Variants in ADGRG6 observed in about 807,000 individuals in gnomAD.
ADGRG6 encodes the protein adhesion G protein-coupled receptor G6, also known as G-protein coupled receptor 126.
ADGRG6 carries 84 observed loss-of-function variants against 142.4 expected under a neutral mutation model. The ratio of observed to expected loss-of-function variants is 0.59; its 90% confidence interval spans 0.49 to 0.71. ADGRG6 has a LOEUF of 0.71. ADGRG6 is among the 30% of genes least tolerant of loss of function. ADGRG6 has a pLI of 0.00. For missense variants in ADGRG6, 1,367 were observed against 1,466.6 expected (o/e 0.93, Z 1.11); for synonymous variants, 521 against 520.5 (o/e 1.00, Z -0.01).
rs867825267 is a variant in ADGRG6 at position 142,411,415 on chromosome 6, A to AG, written c.2541+10dup. The AG allele has an allele frequency of 1.5e-5, 22 of 1,438,754 alleles. No homozygotes were observed. In the African/African-American group the frequency reaches 2.2e-4, roughly 15 times the overall value. 89.1% of individuals were successfully genotyped at this position (1,438,754 alleles called of 1,614,324 possible). On this transcript the variant is annotated splice_donor_region_variant and intron_variant, in intron 18 of 24. Transcript: ENST00000367609. The stretch of plus-strand genomic sequence containing the variant: ...CACACACTTTGGAGTTCTGATGGTA[A>AG]GGGGGGAATTTCTAAGCTCATTTTG...
intron 2 of ADGRG6, among the ~76,000 whole-genome samples, chr6:142,352,969 C>A (rs1200952536): frequency 6.6e-6 from 1 of 152,172 alleles, no homozygotes; most frequent in Non-Finnish European, 1.5e-5. Context: ...CCTCTCCTTT[C>A]TCTCTCTCCA....
At chr6:142,330,956 T>C (rs1360605806) in intron 2 of ADGRG6, among the ~76,000 whole-genome samples, 1 of 152,098 alleles carries the variant, frequency 6.6e-6, no homozygotes, top group Non-Finnish European at 1.5e-5. Context: ...CTTTTTAAGC[T>C]TCATTTATAT....
At chr6:142,367,472 T>C (rs973314392) in intron 2 of ADGRG6, 97 bp from the exon 3 acceptor site, 1 of 732,166 alleles carries the variant, frequency 1.4e-6, no homozygotes, top group Non-Finnish European at 2.2e-6. Flanking sequence ...TTTTTAAATA[T>C]TTACTGCTTG....
chr6:142,437,162 CT>C (rs1777525096), intron 22 of ADGRG6, among the ~76,000 whole-genome samples: 1 of 152,066 alleles, frequency 6.6e-6, no homozygotes. Flanking sequence ...TTCAGCTTGG[CT>C]TTTAGGTTAA....
intron 4 of ADGRG6, among the ~76,000 whole-genome samples, chr6:142,376,958 A>G (rs531147214): frequency 6.6e-6 from 1 of 152,226 alleles, no homozygotes; most frequent in East Asian, 1.9e-4. Context: ...TTTTACCACA[A>G]CTTGTGTAAA....
chr6:142,327,622 G>A (rs1051744928), intron 2 of ADGRG6, among the ~76,000 whole-genome samples: 1 of 151,850 alleles, frequency 6.6e-6, no homozygotes, highest in Non-Finnish European at 1.5e-5. Flanking sequence ...CCCTTTCTCT[G>A]CAAGAGTATT....
At chr6:142,362,932 T>C (rs1780787750) in intron 2 of ADGRG6, among the ~76,000 whole-genome samples, 2 of 152,114 alleles carry the variant, frequency 1.3e-5, no homozygotes, top group Admixed American at 1.3e-4. Flanking sequence ...AAGCAACAAA[T>C]GAGCTTTTCA....
intron 2 of ADGRG6, among the ~76,000 whole-genome samples, chr6:142,351,801 A>G (rs1780188723): frequency 6.6e-6 from 1 of 152,194 alleles, no homozygotes; most frequent in Non-Finnish European, 1.5e-5. Flanking sequence ...CATCCAACAA[A>G]GGTCAAATAT....
intron 1 of ADGRG6, chr6:142,302,680 C>G: frequency 3.2e-6 from 1 of 308,966 alleles, no homozygotes; most frequent in Non-Finnish European, 5.9e-6. Flanking sequence ...GCTCCTCAGT[C>G]CAGAGGCCTG....
intron 22 of ADGRG6, among the ~76,000 whole-genome samples, chr6:142,422,781 A>G (rs1195547227): frequency 1.4e-5 from 2 of 146,568 alleles, no homozygotes; most frequent in African/African-American, 2.5e-5. Flanking sequence ...AGTCCCACCA[A>G]CAGTGTAAAA....
In ADGRG6 at chr6:142,305,429, TACACAC is replaced by T. The variant is rs5880531; in HGVS notation, c.2+3134_2+3139del. ...TGCCCCCCCCCACGAGCCCCTCCTGTACACACACACACACACACACACACACACACA... is the reference window on the plus strand; with the variant it reads ...TGCCCCCCCCCACGAGCCCCTCCTGTACACACACACACACACACACACACA... On this transcript the variant is annotated intron_variant, in intron 1 of 24. Coordinates refer to ENST00000367609, the MANE Select transcript of ADGRG6 (RefSeq NM_198569.3). 9.7e-3 allele frequency among the ~76,000 whole-genome samples: 1,174 copies of T among 120,836 alleles called. 26 individuals carry two copies. Among genetic ancestry groups the T allele is most frequent in the African/African-American group, 0.032 (922 of 28,588 alleles). The allele number at this position is 120,836 out of a possible 152,430, so 79.3% of individuals were successfully genotyped here.
intron 8 of ADGRG6, among the ~76,000 whole-genome samples, chr6:142,393,556 CT>C (rs1212873240): frequency 6.6e-6 from 1 of 152,066 alleles, no homozygotes; most frequent in Non-Finnish European, 1.5e-5. Flanking sequence ...GTCATGACCC[CT>C]AAACATATAT....
At chr6:142,371,109 C>G (rs1781230252) in intron 4 of ADGRG6, among the ~76,000 whole-genome samples, 1 of 152,004 alleles carries the variant, frequency 6.6e-6, no homozygotes, top group East Asian at 1.9e-4. Flanking sequence ...ATTGTGGAAT[C>G]TCAAATACAA....
chr6:142,396,909 A>G (rs1458686552), intron 9 of ADGRG6, among the ~76,000 whole-genome samples: 1 of 152,166 alleles, frequency 6.6e-6, no homozygotes, highest in Non-Finnish European at 1.5e-5. Context: ...AAAGTTTTTA[A>G]CAGGGCTTTG....
In ADGRG6 at chr6:142,443,964, T is replaced by C. The variant is rs900208484; in HGVS notation, c.*449T>C. 1 of 152,722 alleles carries C rather than the reference T, an allele frequency of 6.5e-6. No homozygotes were observed. The highest frequency in any genetic ancestry group is 1.5e-5 in the Non-Finnish European group (1 of 68,450). 9.5% of individuals were successfully genotyped at this position (152,722 alleles called of 1,614,324 possible). A position where few individuals can be genotyped will look rare whatever the true frequency, so the allele number is the denominator to read the frequency against. On this transcript the variant is annotated 3_prime_UTR_variant, in exon 25 of 25. Transcript: ENST00000367609. ...CTATTTTGAATGCCCACAAATCCCA[T>C]TCCAGTGTTACTTTCTGTGAATGCA...
chr6:142,402,837 AT>A lies in ADGRG6; in HGVS notation c.1955+17del, dbSNP rs200507974. ...TGCTTGAGTCATCTTCTGAGTAAGT[AT>A]TTTTTTTTTCCTGGAGAGTAAATTT... On this transcript the variant is annotated splice_region_variant and intron_variant, in intron 13 of 24. Coordinates refer to ENST00000367609, the MANE Select transcript of ADGRG6 (RefSeq NM_198569.3). 7.7e-3 allele frequency: 10,321 copies of A among 1,332,284 alleles called. 11 individuals carry two copies. The highest frequency in any genetic ancestry group is 0.023 in the African/African-American group (1,537 of 66,816). 82.5% of individuals were successfully genotyped at this position (1,332,284 alleles called of 1,614,324 possible). A position where few individuals can be genotyped will look rare whatever the true frequency, so the allele number is the denominator to read the frequency against.
intron 22 of ADGRG6, among the ~76,000 whole-genome samples, chr6:142,430,671 A>G (rs1407028115): frequency 6.6e-6 from 1 of 152,196 alleles, no homozygotes; most frequent in Admixed American, 6.6e-5. Context: ...ACAACCCCAT[A>G]TAGTCTACAG....
intron 2 of ADGRG6, among the ~76,000 whole-genome samples, chr6:142,338,663 G>A (rs867825487): frequency 6.6e-6 from 1 of 151,938 alleles, no homozygotes; most frequent in Non-Finnish European, 1.5e-5. Flanking sequence ...AGCACAAATT[G>A]TACTGAGGTA....
At chr6:142,431,173 A>G (rs1176890717) in intron 22 of ADGRG6, among the ~76,000 whole-genome samples, 3 of 151,986 alleles carry the variant, frequency 2.0e-5, no homozygotes, top group Non-Finnish European at 4.4e-5. Flanking sequence ...TAAGGATGGG[A>G]TGAAAGTTTT....
Sources: allele counts gnomAD v4.1 joint callset (sites outside exome capture counted in the v4.1 genomes callset), GRCh38; gene constraint gnomAD v4.1.1; transcripts MANE v1.5; gene names NCBI Gene and HGNC (gene_info 2026-07-23, HGNC 2026-07-21).